ABCB4: variants seen among roughly 807,000 people sequenced by gnomAD.
The protein encoded by ABCB4 is phosphatidylcholine translocator ABCB4.
In ABCB4, 76 loss-of-function variants were observed where a neutral mutation model predicts 145.7. The ratio of observed to expected loss-of-function variants is 0.52; its 90% CI spans 0.43 to 0.63. The LOEUF is 0.63. ABCB4 is among the 30% of genes least tolerant of loss of function. The probability of loss-of-function intolerance (pLI) is 0.00; values close to 1 mark genes in which losing one functional copy is unlikely to be tolerated. For missense variants in ABCB4, 1,234 were observed against 1,553.1 expected, an observed-to-expected ratio of 0.79 and a Z score of 3.45; for synonymous variants, 517 against 566.8, an observed-to-expected ratio of 0.91 and a Z score of 1.25.
At chr7:87,457,592 T>C (rs544875283) in intron 4 of ABCB4, among the ~76,000 whole-genome samples, 1 of 152,330 alleles carries the variant, frequency 6.6e-6, no homozygotes, top group South Asian at 2.1e-4. Flanking sequence ...TTGTTTCATT[T>C]CCAAGTTCTT....
chr7:87,366,838 A>C, the ABCB4 span, among the ~76,000 whole-genome samples: 1 of 152,170 alleles, frequency 6.6e-6, no homozygotes, highest in Non-Finnish European at 1.5e-5. Context: ...GGCCAGAGAA[A>C]ACCATAAAAC....
intron 7 of ABCB4, 87 bp downstream of exon 7, chr7:87,451,536 G>T: frequency 2.1e-6 from 3 of 1,445,734 alleles, no homozygotes; most frequent in South Asian, 1.2e-5. Flanking sequence ...ATGTAGACCT[G>T]AACAGGTACA....
At chr7:87,375,980 T>TTTA in the ABCB4 span, 1 of 1,536,732 alleles carries the variant, frequency 6.5e-7, no homozygotes, top group Non-Finnish European at 8.7e-7. Context: ...TCTTTTTTTT[T>TTTA]TTATTGCAGA....
intron 6 of ABCB4, 113 bp downstream of exon 6, chr7:87,452,831 A>C: frequency 8.2e-7 from 1 of 1,222,782 alleles, no homozygotes; most frequent in Non-Finnish European, 1.2e-6. Context: ...TCGATTTCTA[A>C]TATAGATCAG....
the ABCB4 span, among the ~76,000 whole-genome samples, chr7:87,374,337 T>A: frequency 9.8e-4 from 149 of 152,198 alleles, 1 homozygote; most frequent in African/African-American, 3.5e-3. Context: ...TAACACACTT[T>A]CCTTTGTAAT....
chr7:87,405,283 T>C (rs1808101879), intron 26 of ABCB4, among the ~76,000 whole-genome samples: 1 of 152,146 alleles, frequency 6.6e-6, no homozygotes, highest in African/African-American at 2.4e-5. Context: ...TTATAAAACA[T>C]TTTTAAAATA....
In ABCB4 at chr7:87,475,411, C is replaced by T; in HGVS notation, c.55G>A (p.Gly19Ser). 6.2e-7 allele frequency: 1 copy of T among 1,614,252 alleles called. No individual in the cohort carries two copies. The highest frequency in any genetic ancestry group is 8.5e-7 in the Non-Finnish European group (1 of 1,180,042). The change falls in exon 2 of 28, where the codon GGC becomes AGC. Residue 19 changes from glycine (G) to serine (S), a missense_variant. By Grantham distance (56) the Gly-to-Ser change is moderately conservative. Around this residue, in one of 7 missense-constraint regions of ABCB4, gnomAD observed 77 missense variants for 73.3 expected, o/e 1.05. Coordinates refer to ENST00000649586, the MANE Select transcript of ABCB4 (RefSeq NM_000443.4). ...GTAWRPTSAE[G>S]DFELGISSKQ... is the part of the protein sequence containing the mutation. ...CTGCTGATGCCCAGTTCAAAGTCGCCCTCCGCGCTCGTGGGGCGCCAGGCT... is the reference window on the plus strand; with the variant it reads ...CTGCTGATGCCCAGTTCAAAGTCGCTCTCCGCGCTCGTGGGGCGCCAGGCT...
the ABCB4 span, chr7:87,392,694 T>C: frequency 7.5e-6 from 12 of 1,610,400 alleles, no homozygotes; most frequent in Non-Finnish European, 1.0e-5. Flanking sequence ...TGGTGAAAAA[T>C]TTTTTTCTAA....
chr7:87,440,019 T>C (rs112890784), intron 13 of ABCB4, among the ~76,000 whole-genome samples, 180 bp downstream of exon 13: 3 of 152,378 alleles, frequency 2.0e-5, no homozygotes, highest in African/African-American at 7.2e-5. Flanking sequence ...TAAAATTTTA[T>C]ATTAATCATC....
intron 2 of ABCB4, 23 bp downstream of exon 2, chr7:87,475,363 G>A (rs1248467025): frequency 6.2e-7 from 1 of 1,613,880 alleles, no homozygotes. Context: ...TAACGGAAAA[G>A]CCAGTGGCTG....
chr7:87,460,075 CA>C (rs968188146), intron 4 of ABCB4, among the ~76,000 whole-genome samples: 1 of 152,002 alleles, frequency 6.6e-6, no homozygotes. Flanking sequence ...AGTTCCTATA[CA>C]GTCATTGTCC....
At chr7:87,380,805 G>C in the ABCB4 span, among the ~76,000 whole-genome samples, 2 of 152,284 alleles carry the variant, frequency 1.3e-5, no homozygotes, top group Middle Eastern at 3.4e-3. Context: ...TGTCTTAAAT[G>C]AAACAATATA....
intron 3 of ABCB4, among the ~76,000 whole-genome samples, chr7:87,470,023 A>G (rs1479869588): frequency 1.3e-5 from 2 of 152,222 alleles, no homozygotes; most frequent in African/African-American, 4.8e-5. Context: ...AAACAGAGAT[A>G]TAGACCAATG....
At chr7:87,430,714 T>G (rs1439258270) in intron 15 of ABCB4, among the ~76,000 whole-genome samples, 1 of 152,000 alleles carries the variant, frequency 6.6e-6, no homozygotes, top group Non-Finnish European at 1.5e-5. Flanking sequence ...TTAGTAGAGA[T>G]GGGGGTTTCA....
At position 87,444,965 on chromosome 7, in the gene ABCB4, GA is replaced by G. The variant is rs753104429; in HGVS notation, c.1015del (p.Ser339GlnfsTer3). ...TIGNAMTVFF[S>X]ILIGAFSVGQ... ...AACACTGAAAGCTCCAATTAGGATT[GA>G]AAAAAAAACCTGAGCAAAATAACAT... On this transcript the variant is annotated frameshift_variant, in exon 10 of 28. Transcript: ENST00000649586. LOFTEE classifies it high-confidence loss of function. 18 of 1,573,422 alleles carry G rather than the reference GA, an allele frequency of 1.1e-5. No individual in the cohort carries two copies. The highest frequency in any genetic ancestry group is 1.7e-5 in the Admixed American group (1 of 58,026).
At chr7:87,445,367 C>G (rs1192494180) in intron 9 of ABCB4, among the ~76,000 whole-genome samples, 1 of 152,094 alleles carries the variant, frequency 6.6e-6, no homozygotes, top group Non-Finnish European at 1.5e-5. Context: ...CTATGTAATG[C>G]TCCTAAAAAG....
chr7:87,402,584 CCA>C (rs892292081), intron 27 of ABCB4, among the ~76,000 whole-genome samples: 15 of 152,120 alleles, frequency 9.9e-5, no homozygotes, highest in African/African-American at 3.1e-4. Flanking sequence ...TGAGTATTTT[CCA>C]GTTTTTCATT....
chr7:87,439,785 T>C lies in ABCB4; in HGVS notation c.1613A>G (p.Lys538Arg). The C allele has an allele frequency of 6.2e-7, 1 of 1,614,158 alleles. No individual in the cohort carries two copies. The highest frequency in any genetic ancestry group is 1.1e-5 in the South Asian group (1 of 91,078). ...GGCACGTGCAATGGCGATCCTCTGC[T>C]TCTGCCCACCACTCAGCTGGGCCCC... ...ERGAQLSGGQ[K>R]QRIAIARALV... The change falls in exon 14 of 28, where the codon AAG becomes AGG. Residue 538 changes from lysine (K) to arginine (R), a missense_variant. Physicochemically the swap from Lys to Arg is conservative, Grantham distance 26. Coordinates refer to ENST00000649586, the MANE Select transcript of ABCB4 (RefSeq NM_000443.4).
At chr7:87,470,032 T>A (rs1289642853) in intron 3 of ABCB4, among the ~76,000 whole-genome samples, 1 of 152,044 alleles carries the variant, frequency 6.6e-6, no homozygotes, top group African/African-American at 2.4e-5. Flanking sequence ...TATAGACCAA[T>A]GGAACAGAAC....
Sources: allele counts gnomAD v4.1 joint callset (sites outside exome capture counted in the v4.1 genomes callset), GRCh38; gene constraint gnomAD v4.1.1; regional missense constraint gnomAD v4.1.1; transcripts MANE v1.5; gene names NCBI Gene and HGNC (gene_info 2026-07-23, HGNC 2026-07-21).